SHANK2: variants seen among roughly 807,000 people sequenced by gnomAD.
The protein encoded by SHANK2 is SH3 and multiple ankyrin repeat domains protein 2.
A neutral mutation model predicts 133.7 loss-of-function variants in SHANK2; 43 were observed. That is an observed-to-expected ratio of 0.32 (90% confidence interval 0.25 to 0.41). The LOEUF (loss-of-function observed/expected upper bound fraction) is 0.41. Among genes scored for constraint, SHANK2 ranks in the 10% least tolerant of loss-of-function variants. SHANK2 has a pLI of 1.00. For missense variants in SHANK2, 1,994 were observed against 2,235.8 expected (o/e 0.89, Z 2.18); for synonymous variants, 1,017 against 952.8 (o/e 1.07, Z -1.24).
Position 70,573,549 on chromosome 11 carries a change from C to CGGG in SHANK2, c.2062-70621_2062-70619dup, listed in dbSNP as rs544869059. On this transcript the variant is annotated intron_variant, in intron 17 of 25. Transcript: ENST00000601538. ...CCCCATGTGTCTGTGTGTGTGGGGG[C>CGGG]GGGGGGGGGGTGGGGCATGGCATTT... Among the ~76,000 whole-genome samples, 14 of 105,066 alleles carry CGGG rather than the reference C, an allele frequency of 1.3e-4. No individual in the cohort carries two copies. The East Asian group carries it at 2.3e-3, about 17-fold the overall frequency. The allele number at this position is 105,066 out of a possible 152,430, so 68.9% of individuals were successfully genotyped here. A position where few individuals can be genotyped will look rare whatever the true frequency, so the allele number is the denominator to read the frequency against.
chr11:70,788,207 T>A (rs1555047130), intron 14 of SHANK2, among the ~76,000 whole-genome samples: 1 of 152,182 alleles, frequency 6.6e-6, no homozygotes, highest in African/African-American at 2.4e-5. Context: ...CCATTGTGGA[T>A]GAGGACTTTC....
intron 11 of SHANK2, among the ~76,000 whole-genome samples, chr11:70,879,350 T>A (rs670481): frequency 6.6e-6 from 1 of 152,250 alleles, no homozygotes; most frequent in Non-Finnish European, 1.5e-5. Flanking sequence ...CATATTCTTA[T>A]GAGGCTCCGA....
chr11:70,783,014 T>C lies in SHANK2; in HGVS notation c.1777+15429A>G, dbSNP rs1555045551. ...AGTCACGAAGCTGGGGTCCCCAAGA[T>C]GGGATTCCTGCCGTCCTAAGAAGAG... is the stretch of plus-strand genomic sequence containing the variant. On this transcript the variant is annotated intron_variant, in intron 14 of 25. Coordinates refer to ENST00000601538, the MANE Select transcript of SHANK2 (RefSeq NM_012309.5). 2.0e-5 allele frequency among the ~76,000 whole-genome samples: 3 copies of C among 152,106 alleles called. No homozygotes were observed. The South Asian group carries it at 6.2e-4, about 32-fold the overall frequency.
chr11:70,518,373 A>G (rs2059291153), intron 17 of SHANK2, among the ~76,000 whole-genome samples: 1 of 152,140 alleles, frequency 6.6e-6, no homozygotes, highest in African/African-American at 2.4e-5. Context: ...ACAAAACAAA[A>G]ACCAAAAACC....
At chr11:70,842,779 C>A (rs964946319) in intron 11 of SHANK2, among the ~76,000 whole-genome samples, 1 of 152,198 alleles carries the variant, frequency 6.6e-6, no homozygotes, top group African/African-American at 2.4e-5. Context: ...GGAGGCAGCA[C>A]GCAGGGTCTC....
At chr11:71,224,044 C>T (rs1344434879) in intron 2 of SHANK2, among the ~76,000 whole-genome samples, 1 of 152,268 alleles carries the variant, frequency 6.6e-6, no homozygotes, top group Non-Finnish European at 1.5e-5. Flanking sequence ...AAGCTGGATT[C>T]AGCCACTCAA....
intron 8 of SHANK2, among the ~76,000 whole-genome samples, chr11:71,080,441 C>G (rs1951282762): frequency 6.6e-6 from 1 of 152,174 alleles, no homozygotes; most frequent in African/African-American, 2.4e-5. Flanking sequence ...ATCTACAGGA[C>G]CTAAAACTAT....
chr11:70,620,766 G>C (rs35972646), intron 17 of SHANK2, among the ~76,000 whole-genome samples: 24,734 of 152,120 alleles, frequency 0.16, 2,578 homozygotes, highest in Non-Finnish European at 0.24. Flanking sequence ...AAACTCCAGA[G>C]AGCTTGGTGG....
intron 11 of SHANK2, among the ~76,000 whole-genome samples, chr11:70,882,000 C>T (rs1555072521): frequency 6.6e-6 from 1 of 152,134 alleles, no homozygotes; most frequent in Non-Finnish European, 1.5e-5. Context: ...GTGTGAGCCA[C>T]CACACCCAGC....
chr11:71,172,608 A>AG (rs1555112435), intron 2 of SHANK2, among the ~76,000 whole-genome samples: 1 of 151,180 alleles, frequency 6.6e-6, no homozygotes, highest in East Asian at 1.9e-4. Context: ...AAAAAAAAAA[A>AG]AAAAGAAAAA....
At chr11:70,929,980 C>T (rs1466488951) in intron 10 of SHANK2, among the ~76,000 whole-genome samples, 1 of 152,182 alleles carries the variant, frequency 6.6e-6, no homozygotes, top group African/African-American at 2.4e-5. Context: ...AGAGTAAACA[C>T]CTTCAGCTTT....
chr11:70,803,810 TA>T (rs553608014), intron 13 of SHANK2, among the ~76,000 whole-genome samples: 2,926 of 130,070 alleles, frequency 0.022, 31 homozygotes, highest in African/African-American at 0.045. Flanking sequence ...GCCCTTGAAT[TA>T]AAAAAAAAAA....
rs562186228 is a variant in SHANK2, at chr11:70,590,631, G to A, written c.2061+69197C>T. On this transcript the variant is annotated intron_variant, in intron 17 of 25. Coordinates refer to ENST00000601538, the MANE Select transcript of SHANK2 (RefSeq NM_012309.5). ...TCCAACAGCAAAATTATGATGACTC[G>A]CCGAAGGCTCTGATGATTGCTAGCA... Among the ~76,000 whole-genome samples the A allele has an allele frequency of 3.3e-4, 51 of 152,274 alleles. 1 individual carries two copies. Among genetic ancestry groups the A allele is most frequent in the Non-Finnish European group, 5.9e-4 (40 of 68,020 alleles).
chr11:70,766,669 G>A (rs370694834), intron 14 of SHANK2, among the ~76,000 whole-genome samples: 2 of 152,140 alleles, frequency 1.3e-5, no homozygotes, highest in Non-Finnish European at 2.9e-5. Flanking sequence ...CAGAACAGAC[G>A]GGGCCGGAAT....
At chr11:70,757,344 G>A (rs541429893) in intron 14 of SHANK2, among the ~76,000 whole-genome samples, 4 of 152,224 alleles carry the variant, frequency 2.6e-5, no homozygotes, top group Non-Finnish European at 4.4e-5. Flanking sequence ...AGATAAGAGT[G>A]AGCATAGCAG....
chr11:71,087,430 G>C (rs1277091171), intron 8 of SHANK2, among the ~76,000 whole-genome samples: 4 of 152,206 alleles, frequency 2.6e-5, no homozygotes, highest in Non-Finnish European at 4.4e-5. Context: ...CTGGCGGCTG[G>C]ATTCAGGACT....
At chr11:71,168,615 G>A (rs1362042220) in intron 2 of SHANK2, among the ~76,000 whole-genome samples, 8 of 152,194 alleles carry the variant, frequency 5.3e-5, no homozygotes, top group Non-Finnish European at 1.5e-5. Flanking sequence ...TCGCAGTTAG[G>A]AGCTGGAGAC....
intron 14 of SHANK2, among the ~76,000 whole-genome samples, chr11:70,776,671 T>G (rs1310203010): frequency 6.6e-6 from 1 of 152,004 alleles, no homozygotes; most frequent in Admixed American, 6.6e-5. Context: ...AGCCCATCCA[T>G]CCATCTACCT....
intron 2 of SHANK2, among the ~76,000 whole-genome samples, chr11:71,163,093 A>AAAACATATATATATATAT: frequency 3.3e-4 from 28 of 84,698 alleles, no homozygotes; most frequent in African/African-American, 1.2e-3. Context: ...AAAAAAAAAA[A>AAAACATATATATATATAT]ATACATATAT....
Sources: allele counts gnomAD v4.1 joint callset (sites outside exome capture counted in the v4.1 genomes callset), GRCh38; gene constraint gnomAD v4.1.1; transcripts MANE v1.5; gene names NCBI Gene and HGNC (gene_info 2026-07-23, HGNC 2026-07-21).